ALPK3: variants seen among roughly 807,000 people sequenced by gnomAD.
The protein encoded by ALPK3 is alpha kinase 3.
In ALPK3, 102 loss-of-function variants were observed where a neutral mutation model predicts 140.0. That is an observed-to-expected ratio of 0.73 (90% CI 0.62 to 0.86). ALPK3 has a LOEUF of 0.86. ALPK3 is among the 40% of genes least tolerant of loss of function. ALPK3 has a pLI of 0.00. For synonymous variants in ALPK3, 938 were observed against 898.5 expected (o/e 1.04, Z -0.79); for missense variants, 2,254 against 2,208.2 (o/e 1.02, Z -0.42).
At chr15:84,864,379 G>C in intron 11 of ALPK3, 63 bp from the exon 12 acceptor site, 1 of 1,506,208 alleles carries the variant, frequency 6.6e-7, no homozygotes, top group Non-Finnish European at 9.2e-7. Context: ...TACAGAATTG[G>C]GTGGGAGGGA....
chr15:84,824,074 C>A (rs1364519733), intron 2 of ALPK3, among the ~76,000 whole-genome samples: 1 of 152,120 alleles, frequency 6.6e-6, no homozygotes, highest in East Asian at 1.9e-4. Flanking sequence ...TGTCTATCTT[C>A]TTCTAACCAT....
rs537208330 is a variant in ALPK3 at position 84,831,360 on chromosome 15, T to C, written c.304+3755T>C. Reference sequence around the variant, plus strand: ...TCTGTCGTCTTACTTTACAAACTCCTGTTTGGATAGCTGTTCCCCTGGTCG... The same window carrying C: ...TCTGTCGTCTTACTTTACAAACTCCCGTTTGGATAGCTGTTCCCCTGGTCG... On this transcript the variant is annotated intron_variant, in intron 3 of 13. Transcript: ENST00000258888. 2.6e-5 allele frequency among the ~76,000 whole-genome samples: 4 copies of C among 152,348 alleles called. No individual in the cohort carries two copies. In the South Asian group the frequency reaches 8.3e-4, roughly 32 times the overall value.
intron 9 of ALPK3, among the ~76,000 whole-genome samples, chr15:84,860,784 G>A (rs1208409745): frequency 1.3e-5 from 2 of 152,230 alleles, no homozygotes; most frequent in African/African-American, 4.8e-5. Context: ...GTGCAGTGGT[G>A]TGATCTTGGC....
chr15:84,817,404 A>G lies in ALPK3; in HGVS notation c.-49A>G, dbSNP rs1314614896. On this transcript the variant is annotated 5_prime_UTR_variant, in exon 1 of 14. Coordinates refer to ENST00000258888, the MANE Select transcript of ALPK3 (RefSeq NM_020778.5). ...GCCCGGGGGCCGGGGCCTGGAGGACAGGCGAGGCAGCGGCGAGTGCGGGGC... is the reference window on the plus strand; with the variant it reads ...GCCCGGGGGCCGGGGCCTGGAGGACGGGCGAGGCAGCGGCGAGTGCGGGGC... The G allele has an allele frequency of 3.3e-6, 4 of 1,227,794 alleles. No homozygotes were observed. The highest frequency in any genetic ancestry group is 4.0e-6 in the Non-Finnish European group (4 of 988,156). 76.1% of individuals were successfully genotyped at this position (1,227,794 alleles called of 1,614,324 possible).
At chr15:84,846,180 A>G (rs1194246074) in intron 5 of ALPK3, among the ~76,000 whole-genome samples, 1 of 152,260 alleles carries the variant, frequency 6.6e-6, no homozygotes, top group Non-Finnish European at 1.5e-5. Context: ...TGTAGCCTGA[A>G]CACAACTAGG....
Position 84,864,518 on chromosome 15 carries a change from C to T in ALPK3, c.4576C>T (p.Pro1526Ser). 3.7e-6 allele frequency: 6 copies of T among 1,614,198 alleles called. No individual in the cohort carries two copies. The highest frequency in any genetic ancestry group is 5.1e-6 in the Non-Finnish European group (6 of 1,180,038). The change falls in exon 12 of 14, where the codon CCC becomes TCC. Residue 1526 changes from proline (P) to serine (S), a missense_variant. Pro to Ser is a moderately conservative substitution (Grantham distance 74). Transcript: ENST00000258888. ...TACCCTGGAGGAAGACCTGGGCAAGCCCCTGGAGTCTTACTGTTCTCGGGA... is the reference window on the plus strand; with the variant it reads ...TACCCTGGAGGAAGACCTGGGCAAGTCCCTGGAGTCTTACTGTTCTCGGGA... Reference protein sequence around the residue: ...YATLEEDLGKPLESYCSREWG... With the variant: ...YATLEEDLGKSLESYCSREWG...
In ALPK3 at chr15:84,856,837, G is replaced by C; in HGVS notation, c.2099G>C (p.Gly700Ala). 1 of 1,613,728 alleles carries C rather than the reference G, an allele frequency of 6.2e-7. No homozygotes were observed. The highest frequency in any genetic ancestry group is 8.5e-7 in the Non-Finnish European group (1 of 1,179,738). Residue 700 changes from glycine to alanine, a missense_variant, in exon 6 of 14, where the codon GGA becomes GCA. Around this residue, in one of 3 missense-constraint regions of ALPK3, gnomAD observed 2,088 missense variants for 2,022.9 expected, o/e 1.03. Transcript: ENST00000258888. ...KGTQEDRRMQGEKGMQGEKGT... is the reference protein window; with the variant it reads ...KGTQEDRRMQAEKGMQGEKGT... ...ACACAGGAAGACAGAAGGATGCAGG[G>C]AGAGAAGGGGATGCAGGGAGAGAAG...
chr15:84,859,813 C>T lies in ALPK3; in HGVS notation c.4003C>T (p.Gln1335Ter). ...GGGGCCGGCGGCCTTGGCCATCGTG[C>T]AGGCCTCCCCCGTAGACTGCGGTGT... ...DEGPAALAIV[Q>*]ASPVDCGVYR... The change falls in exon 8 of 14, where the codon CAG becomes TAG. Residue 1335 changes from glutamine (Q) to a stop codon, truncating the protein, a stop_gained. Transcript: ENST00000258888. LOFTEE classifies it high-confidence loss of function. 6.2e-7 allele frequency: 1 copy of T among 1,613,714 alleles called. No homozygotes were observed.
At chr15:84,848,282 A>G (rs1963759587) in intron 5 of ALPK3, among the ~76,000 whole-genome samples, 1 of 151,968 alleles carries the variant, frequency 6.6e-6, no homozygotes, top group African/African-American at 2.4e-5. Context: ...AGTTTTTTTA[A>G]TGTATGCAAA....
chr15:84,842,016 T>C (rs1963672558), intron 5 of ALPK3, among the ~76,000 whole-genome samples: 1 of 152,148 alleles, frequency 6.6e-6, no homozygotes, highest in Admixed American at 6.6e-5. Context: ...TGTCGGTATT[T>C]CTTTCTTTCT....
intron 1 of ALPK3, among the ~76,000 whole-genome samples, chr15:84,817,907 T>C (rs1051589374): frequency 6.6e-6 from 1 of 152,168 alleles, no homozygotes; most frequent in African/African-American, 2.4e-5. Flanking sequence ...TGCTACTCCC[T>C]GGCTTGGGAT....
chr15:84,830,023 A>G (rs1322470216), intron 3 of ALPK3, among the ~76,000 whole-genome samples: 1 of 152,242 alleles, frequency 6.6e-6, no homozygotes, highest in East Asian at 1.9e-4. Flanking sequence ...ATGCCTATAC[A>G]ATATTATTCA....
At chr15:84,860,131 C>T in intron 9 of ALPK3, 59 bp downstream of exon 9, 1 of 1,592,034 alleles carries the variant, frequency 6.3e-7, no homozygotes, top group Non-Finnish European at 8.6e-7. Context: ...GCAGGGAGGA[C>T]CCTCTTTAAG....
At chr15:84,836,098 G>A (rs986281684) in intron 3 of ALPK3, among the ~76,000 whole-genome samples, 9 of 152,346 alleles carry the variant, frequency 5.9e-5, no homozygotes, top group African/African-American at 2.2e-4. Context: ...TGCTTTACAC[G>A]GGGTGGAAGG....
rs1419427633 is a variant in ALPK3, at chr15:84,870,490, T to C, written c.*2034T>C. The C allele has an allele frequency of 2.6e-5, 4 of 152,234 alleles. No individual in the cohort carries two copies. The highest frequency in any genetic ancestry group is 7.2e-5 in the African/African-American group (3 of 41,460). The allele number at this position is 152,234 out of a possible 1,614,324, so 9.4% of individuals were successfully genotyped here. ...GACTACTTGTTAGGATTCTTGAGTT[T>C]TGACCAACAGAAATGAACTTGGACC... is the stretch of plus-strand genomic sequence containing the variant. On this transcript the variant is annotated 3_prime_UTR_variant, in exon 14 of 14. Transcript: ENST00000258888.
Position 84,827,493 on chromosome 15 carries a change from C to A in ALPK3, c.192C>A (p.Phe64Leu), listed in dbSNP as rs1963501319. 6.2e-7 allele frequency: 1 copy of A among 1,614,190 alleles called. No homozygotes were observed. Among genetic ancestry groups the A allele is most frequent in the Non-Finnish European group, 8.5e-7 (1 of 1,180,040 alleles). The change falls in exon 3 of 14, where the codon TTC (phenylalanine) becomes TTA (leucine). Residue 64 changes from phenylalanine (F) to leucine (L), a missense_variant. Phe to Leu is a conservative substitution (Grantham distance 22). Transcript: ENST00000258888. ...LSHPSSGRST[F>L]CSIIAQLTEE... ...TCTTTGCCTCTCTTAGGAGCACCTT[C>A]TGCTCCATCATTGCTCAGCTCACAG...
In ALPK3 at chr15:84,818,153, G is replaced by C. The variant is rs566562127; in HGVS notation, c.143+558G>C. On this transcript the variant is annotated intron_variant, in intron 1 of 13. Coordinates refer to ENST00000258888, the MANE Select transcript of ALPK3 (RefSeq NM_020778.5). The stretch of plus-strand genomic sequence containing the variant: ...GACCTGAGTGGGGGCTGGTGAGATA[G>C]GGGGTGGGATGAGGTACTGTCTGGA... Among the ~76,000 whole-genome samples the C allele has an allele frequency of 4.6e-5, 7 of 152,276 alleles. No homozygotes were observed. In the East Asian group the frequency reaches 1.4e-3, roughly 29 times the overall value.
chr15:84,823,400 T>C (rs1182952733), intron 2 of ALPK3, 32 bp downstream of exon 2: 1 of 1,613,402 alleles, frequency 6.2e-7, no homozygotes, highest in Non-Finnish European at 8.5e-7. Context: ...TTTCTCTGAC[T>C]GCTTTTTCCT....
At chr15:84,854,308 C>T (rs1963837415) in intron 5 of ALPK3, among the ~76,000 whole-genome samples, 1 of 151,420 alleles carries the variant, frequency 6.6e-6, no homozygotes, top group African/African-American at 2.4e-5. Flanking sequence ...TTTTTTTGAG[C>T]CAGAGTTTCA....
Sources: gnomAD v4.1 joint callset for allele counts (sites outside exome capture counted in the v4.1 genomes callset) on GRCh38, gnomAD v4.1.1 for gene constraint, gnomAD v4.1.1 regional missense constraint, MANE v1.5 for transcripts, NCBI Gene and HGNC (gene_info 2026-07-23, HGNC 2026-07-21) for gene names.